NEK11: variants seen among roughly 807,000 people sequenced by gnomAD.
The protein encoded by NEK11 is serine/threonine-protein kinase Nek11.
A neutral mutation model predicts 80.7 loss-of-function variants in NEK11; 72 were observed. The ratio of observed to expected loss-of-function variants is 0.89; its 90% confidence interval spans 0.74 to 1.08. The LOEUF (loss-of-function observed/expected upper bound fraction) is 1.08, where lower values mean the gene tolerates loss of function less well. Among genes scored for constraint, NEK11 ranks in the 50% least tolerant of loss-of-function variants. NEK11 has a pLI of 0.00. For missense variants in NEK11, 764 were observed against 763.6 expected, an observed-to-expected ratio of 1.00 and a Z score of -0.01; for synonymous variants, 251 against 260.7, an observed-to-expected ratio of 0.96 and a Z score of 0.36.
intron 14 of NEK11, among the ~76,000 whole-genome samples, chr3:131,214,827 C>T (rs77319193): frequency 6.6e-6 from 1 of 151,992 alleles, no homozygotes; most frequent in Non-Finnish European, 1.5e-5. Flanking sequence ...AAAAACAGTA[C>T]TGTACTGTAC....
intron 3 of NEK11, among the ~76,000 whole-genome samples, chr3:131,064,635 CA>C (rs1205402899): frequency 3.7e-4 from 57 of 152,216 alleles, no homozygotes; most frequent in African/African-American, 1.3e-3. Context: ...TAAAATTAGA[CA>C]GTGTTGATGG....
At chr3:131,132,471 A>G (rs2084670607) in intron 5 of NEK11, among the ~76,000 whole-genome samples, 1 of 152,100 alleles carries the variant, frequency 6.6e-6, no homozygotes, top group African/African-American at 2.4e-5. Flanking sequence ...TGCTACAAAA[A>G]CATAATAAAA....
intron 17 of NEK11, among the ~76,000 whole-genome samples, chr3:131,321,471 G>A (rs1002219230): frequency 4.6e-5 from 7 of 152,106 alleles, no homozygotes; most frequent in Admixed American, 4.6e-4. Context: ...GTTCTCAAAA[G>A]CAATTCCAAC....
intron 7 of NEK11, among the ~76,000 whole-genome samples, chr3:131,145,038 C>G (rs2087842721): frequency 6.6e-6 from 1 of 152,124 alleles, no homozygotes; most frequent in Non-Finnish European, 1.5e-5. Context: ...TGGTCTCACT[C>G]TGTTGCCTAG....
chr3:131,186,705 G>C (rs2093615938), intron 14 of NEK11, among the ~76,000 whole-genome samples: 1 of 152,154 alleles, frequency 6.6e-6, no homozygotes, highest in Admixed American at 6.6e-5. Context: ...AGAAGGACCA[G>C]AATATGTATC....
intron 17 of NEK11, among the ~76,000 whole-genome samples, chr3:131,346,801 G>A (rs1255433422): frequency 6.6e-6 from 1 of 152,136 alleles, no homozygotes; most frequent in Non-Finnish European, 1.5e-5. Context: ...TAGAGAGTAG[G>A]AGGCTTGAAA....
At chr3:131,056,838 C>T (rs1264600017) in intron 3 of NEK11, among the ~76,000 whole-genome samples, 1 of 151,804 alleles carries the variant, frequency 6.6e-6, no homozygotes, top group Admixed American at 6.6e-5. Flanking sequence ...GATGCAGCCA[C>T]AGGGGCAAGC....
rs537695212 is a variant in NEK11 at position 131,169,265 on chromosome 3, A to C, written c.1284+328A>C. Among the ~76,000 whole-genome samples, 5 of 152,252 alleles carry C rather than the reference A, an allele frequency of 3.3e-5. No individual in the cohort carries two copies. In the South Asian group the frequency reaches 1.0e-3, roughly 32 times the overall value. ...TAATCTCATTGGGGCTCTGTTCTCT[A>C]TTCCTTTTTGCATCTCTCTTGCCTG... On this transcript the variant is annotated intron_variant, in intron 13 of 17. Coordinates refer to ENST00000383366, the MANE Select transcript of NEK11 (RefSeq NM_024800.5).
intron 5 of NEK11, among the ~76,000 whole-genome samples, chr3:131,129,317 G>C (rs1004189628): frequency 1.3e-5 from 2 of 152,142 alleles, no homozygotes; most frequent in African/African-American, 4.8e-5. Flanking sequence ...GCCTCCCAAA[G>C]TGCTGGGATT....
intron 3 of NEK11, chr3:131,053,583 T>G (rs2068817875): frequency 6.6e-6 from 1 of 152,240 alleles, no homozygotes; most frequent in Admixed American, 6.5e-5. Flanking sequence ...TTAACCAAAC[T>G]TAACTCTCCA....
chr3:131,151,232 CA>C (rs1272904812), intron 7 of NEK11, among the ~76,000 whole-genome samples: 1 of 151,928 alleles, frequency 6.6e-6, no homozygotes, highest in Non-Finnish European at 1.5e-5. Context: ...AGCCAATTTT[CA>C]ATCTATAAAA....
intron 17 of NEK11, among the ~76,000 whole-genome samples, chr3:131,291,489 G>C (rs1318503743): frequency 1.3e-5 from 2 of 152,228 alleles, no homozygotes; most frequent in South Asian, 4.1e-4. Flanking sequence ...GTGCAGTTTT[G>C]TAAAAACAAA....
chr3:131,039,588 G>C (rs772034805), intron 3 of NEK11, among the ~76,000 whole-genome samples: 1 of 152,088 alleles, frequency 6.6e-6, no homozygotes, highest in Non-Finnish European at 1.5e-5. Context: ...CCTTTTTGAC[G>C]CATGAATGTC....
At position 131,045,846 on chromosome 3, in the gene NEK11, A is replaced by G. The variant is rs150598613; in HGVS notation, c.170+15968A>G. Among the ~76,000 whole-genome samples, 1,411 of 152,180 alleles carry G rather than the reference A, an allele frequency of 9.3e-3. 20 individuals carry two copies. Among genetic ancestry groups the G allele is most frequent in the African/African-American group, 0.031 (1,296 of 41,532 alleles). On this transcript the variant is annotated intron_variant, in intron 3 of 17. Transcript: ENST00000383366. ...TTTTCCTTTTGGACAAGTTTTTTTT[A>G]TCATTGTATAATGTCCCTCTTTGTC... is the stretch of plus-strand genomic sequence containing the variant.
At chr3:131,142,482 A>C (rs1216769324) in intron 7 of NEK11, among the ~76,000 whole-genome samples, 1 of 151,088 alleles carries the variant, frequency 6.6e-6, no homozygotes, top group Non-Finnish European at 1.5e-5. Flanking sequence ...CAGTTGGAAC[A>C]CAGCCATTCA....
chr3:131,078,467 TG>T (rs1239689443), intron 3 of NEK11, among the ~76,000 whole-genome samples: 3 of 152,188 alleles, frequency 2.0e-5, no homozygotes, highest in East Asian at 3.9e-4. Flanking sequence ...TGTTTTGTTT[TG>T]TTTTTTTAAT....
intron 17 of NEK11, among the ~76,000 whole-genome samples, chr3:131,288,450 C>CTTTCTTTCTTT (rs536834704): frequency 5.5e-4 from 64 of 115,386 alleles, no homozygotes; most frequent in African/African-American, 1.8e-3. Context: ...TTCTTTCTTT[C>CTTTCTTTCTTT]TTTTTTTTTT....
chr3:131,122,384 A>G (rs1424429114), intron 5 of NEK11, among the ~76,000 whole-genome samples: 1 of 152,130 alleles, frequency 6.6e-6, no homozygotes. Flanking sequence ...AGGTGTAGGC[A>G]CACTCCTGAT....
At chr3:131,186,995 T>C (rs751009717) in intron 14 of NEK11, among the ~76,000 whole-genome samples, 23 of 152,176 alleles carry the variant, frequency 1.5e-4, no homozygotes, top group Non-Finnish European at 3.1e-4. Context: ...TCTCCTTTAG[T>C]TGGAATATGA....
Sources: gnomAD v4.1 joint callset for allele counts (sites outside exome capture counted in the v4.1 genomes callset) on GRCh38, gnomAD v4.1.1 for gene constraint, MANE v1.5 for transcripts, NCBI Gene and HGNC (gene_info 2026-07-23, HGNC 2026-07-21) for gene names.